MLLT10: variants seen among roughly 807,000 people sequenced by gnomAD.
The protein encoded by MLLT10 is MLLT10 histone lysine methyltransferase DOT1L cofactor, also known as protein AF-10.
In MLLT10, 30 loss-of-function variants were observed where a neutral mutation model predicts 129.1. The ratio of observed to expected loss-of-function variants is 0.23; its 90% confidence interval spans 0.17 to 0.32. The LOEUF is 0.32. Among genes scored for constraint, MLLT10 ranks in the 10% least tolerant of loss-of-function variants. The pLI is 1.00. For synonymous variants in MLLT10, 490 were observed against 446.4 expected (o/e 1.10, Z -1.23); for missense variants, 1,119 against 1,268.3 (o/e 0.88, Z 1.79).
chr10:21,676,908 T>C (rs2052222485), intron 11 of MLLT10, among the ~76,000 whole-genome samples: 2 of 152,146 alleles, frequency 1.3e-5, no homozygotes, highest in South Asian at 2.1e-4. Context: ...AAAAAGCGTA[T>C]CCTTATCTAG....
At position 21,686,937 on chromosome 10, in the gene MLLT10, C is replaced by T. The variant is rs187154031; in HGVS notation, c.1699+4680C>T. Among the ~76,000 whole-genome samples the T allele has an allele frequency of 4.2e-4, 64 of 152,136 alleles. No individual in the cohort carries two copies. The East Asian group carries it at 4.8e-3, about 11-fold the overall frequency. ...GGCGAAGGTTGCAGTGAGGTGAGAT[C>T]GCGCCACTGCATTCCAGCCTAGGTG... On this transcript the variant is annotated intron_variant, in intron 13 of 22. Coordinates refer to ENST00000307729, the MANE Select transcript of MLLT10 (RefSeq NM_001195626.3).
intron 9 of MLLT10, among the ~76,000 whole-genome samples, chr10:21,665,349 C>T (rs528941880): frequency 3.1e-4 from 46 of 146,592 alleles, no homozygotes; most frequent in African/African-American, 1.1e-3. Flanking sequence ...AGTGCAATGG[C>T]ACGATTTTGG....
At chr10:21,717,512 CT>C (rs2056689475) in intron 14 of MLLT10, among the ~76,000 whole-genome samples, 1 of 79,912 alleles carries the variant, frequency 1.3e-5, no homozygotes, top group African/African-American at 4.8e-5. Flanking sequence ...CCTCCTCCTC[CT>C]CCACCACCTC....
chr10:21,593,765 A>G (rs1265872906), intron 4 of MLLT10, among the ~76,000 whole-genome samples: 1 of 151,712 alleles, frequency 6.6e-6, no homozygotes, highest in Non-Finnish European at 1.5e-5. Context: ...GGTCTCTACT[A>G]AAAATACAAA....
intron 3 of MLLT10, among the ~76,000 whole-genome samples, chr10:21,544,402 A>T (rs899194248): frequency 2.0e-5 from 3 of 152,174 alleles, no homozygotes; most frequent in African/African-American, 7.2e-5. Context: ...GTGAGACAAT[A>T]GGGTCAAGTT....
At chr10:21,657,160 G>A (rs1405841717) in intron 9 of MLLT10, among the ~76,000 whole-genome samples, 1 of 152,130 alleles carries the variant, frequency 6.6e-6, no homozygotes, top group Non-Finnish European at 1.5e-5. Flanking sequence ...GGGAGGCCAA[G>A]GTGGGTGGAT....
chr10:21,590,527 C>T (rs1434208658), intron 4 of MLLT10, among the ~76,000 whole-genome samples: 3 of 151,924 alleles, frequency 2.0e-5, no homozygotes, highest in African/African-American at 7.3e-5. Context: ...TTAGTAGAGA[C>T]GGGATCTCAC....
intron 1 of MLLT10, 37 bp from the exon 2 acceptor site, chr10:21,534,608 C>T (rs895276318): frequency 6.3e-7 from 1 of 1,591,902 alleles, no homozygotes; most frequent in Non-Finnish European, 8.6e-7. Flanking sequence ...AATCGGCTTG[C>T]ATGTGTTTTT....
intron 14 of MLLT10, among the ~76,000 whole-genome samples, chr10:21,723,245 TAATA>T (rs1163473370): frequency 2.6e-5 from 4 of 152,182 alleles, no homozygotes; most frequent in Non-Finnish European, 5.9e-5. Flanking sequence ...TATATAGATC[TAATA>T]GATAGGGAAA....
At chr10:21,539,274 G>A (rs918524708) in intron 3 of MLLT10, among the ~76,000 whole-genome samples, 5 of 152,048 alleles carry the variant, frequency 3.3e-5, no homozygotes, top group African/African-American at 1.2e-4. Flanking sequence ...ATTCTCTTAG[G>A]TTTTGTGTAA....
intron 8 of MLLT10, among the ~76,000 whole-genome samples, chr10:21,628,431 CTTT>C (rs774410121): frequency 8.6e-6 from 1 of 115,996 alleles, no homozygotes. Flanking sequence ...GATGCTCTCT[CTTT>C]TTTTTTTTTT....
At chr10:21,689,460 G>A (rs2053602403) in intron 13 of MLLT10, among the ~76,000 whole-genome samples, 1 of 150,174 alleles carries the variant, frequency 6.7e-6, no homozygotes, top group Admixed American at 6.6e-5. Flanking sequence ...TGGAGATACA[G>A]GGATCAGAGC....
At chr10:21,703,860 T>C (rs2055166305) in intron 13 of MLLT10, among the ~76,000 whole-genome samples, 1 of 151,928 alleles carries the variant, frequency 6.6e-6, no homozygotes. Flanking sequence ...TGGGAAGTTT[T>C]AATCTAGTAT....
intron 13 of MLLT10, among the ~76,000 whole-genome samples, chr10:21,689,599 TTTTA>T (rs1285876281): frequency 3.2e-5 from 4 of 125,164 alleles, no homozygotes; most frequent in Admixed American, 8.6e-5. Context: ...AGCGTGTGTG[TTTTA>T]TATATATATA....
intron 10 of MLLT10, among the ~76,000 whole-genome samples, chr10:21,671,980 A>T (rs1051391697): frequency 1.3e-5 from 2 of 152,122 alleles, no homozygotes; most frequent in Admixed American, 1.3e-4. Flanking sequence ...AAAACCAAAA[A>T]CAAACAATAA....
At chr10:21,681,714 T>C (rs1174550902) in intron 12 of MLLT10, among the ~76,000 whole-genome samples, 2 of 152,188 alleles carry the variant, frequency 1.3e-5, no homozygotes. Context: ...TATTTGTATA[T>C]TTGCACTAGG....
chr10:21,633,864 G>A (rs906852513), intron 8 of MLLT10, among the ~76,000 whole-genome samples: 6 of 152,118 alleles, frequency 3.9e-5, no homozygotes, highest in Non-Finnish European at 8.8e-5. Flanking sequence ...CCATAACCAA[G>A]CATCTCGTTG....
At chr10:21,612,629 A>G (rs2044766847) in intron 6 of MLLT10, among the ~76,000 whole-genome samples, 178 bp downstream of exon 6, 1 of 152,242 alleles carries the variant, frequency 6.6e-6, no homozygotes, top group African/African-American at 2.4e-5. Flanking sequence ...TGTATTTACC[A>G]GAGTGATTTT....
At chr10:21,579,682 C>T (rs568111340) in intron 3 of MLLT10, among the ~76,000 whole-genome samples, 2 of 151,808 alleles carry the variant, frequency 1.3e-5, no homozygotes, top group Non-Finnish European at 2.9e-5. Flanking sequence ...CCTGCCTCAG[C>T]CTCCTGAGTA....
Sources: gnomAD v4.1 joint callset for allele counts (sites outside exome capture counted in the v4.1 genomes callset) on GRCh38, gnomAD v4.1.1 for gene constraint, MANE v1.5 for transcripts, NCBI Gene and HGNC (gene_info 2026-07-23, HGNC 2026-07-21) for gene names.